Variants in TNR observed in about 807,000 individuals in gnomAD.
TNR encodes the protein tenascin-R.
In TNR, 45 loss-of-function variants were observed where a neutral mutation model predicts 150.4. The observed-to-expected ratio is 0.30, with a 90% confidence interval of 0.24 to 0.38. The LOEUF is 0.38. Among genes scored for constraint, TNR ranks in the 10% least tolerant of loss-of-function variants. The pLI is 1.00. For missense variants in TNR, 1,544 were observed against 1,759.1 expected, an observed-to-expected ratio of 0.88 and a Z score of 2.19; for synonymous variants, 687 against 678.4, an observed-to-expected ratio of 1.01 and a Z score of -0.20.
chr1:175,693,109 T>C (rs954596737), intron 1 of TNR, among the ~76,000 whole-genome samples: 1 of 152,184 alleles, frequency 6.6e-6, no homozygotes, highest in Non-Finnish European at 1.5e-5. Context: ...GTAAACTACA[T>C]AGAATGTTAG....
chr1:175,728,972 C>T (rs1049783699), intron 1 of TNR, among the ~76,000 whole-genome samples: 1 of 152,176 alleles, frequency 6.6e-6, no homozygotes. Context: ...GAAGTCAGAA[C>T]TGCAGAGCCT....
chr1:175,439,923 G>A (rs1461517822), intron 2 of TNR, among the ~76,000 whole-genome samples: 1 of 152,180 alleles, frequency 6.6e-6, no homozygotes, highest in Non-Finnish European at 1.5e-5. Context: ...TTACACTGTT[G>A]GTGGGACTGT....
At chr1:175,733,483 C>G (rs1344265911) in intron 1 of TNR, among the ~76,000 whole-genome samples, 1 of 152,188 alleles carries the variant, frequency 6.6e-6, no homozygotes, top group African/African-American at 2.4e-5. Context: ...GGGCTTTCAT[C>G]CCTTTCCCTC....
At chr1:175,542,081 C>G (rs533731269) in intron 1 of TNR, among the ~76,000 whole-genome samples, 1 of 152,162 alleles carries the variant, frequency 6.6e-6, no homozygotes, top group Non-Finnish European at 1.5e-5. Context: ...GTGTGGTGCT[C>G]AGCTTGGCAT....
At position 175,330,076 on chromosome 1, in the gene TNR, G is replaced by A. The variant is rs1649647056; in HGVS notation, c.3791C>T (p.Ala1264Val). 6 of 1,580,498 alleles carry A rather than the reference G, an allele frequency of 3.8e-6. No individual in the cohort carries two copies. Among genetic ancestry groups the A allele is most frequent in the East Asian group, 2.3e-5 (1 of 44,124 alleles). Residue 1264 changes from alanine (A) to valine (V), a missense_variant and splice_region_variant, in exon 21 of 23, where the codon GCG becomes GTG. Physicochemically the swap from Ala to Val is moderately conservative, Grantham distance 64. Around this residue, in one of 2 missense-constraint regions of TNR, gnomAD observed 290 missense variants for 429.7 expected, o/e 0.67. Transcript: ENST00000367674. The part of the protein sequence containing the change: ...KLRIGSYNGT[A>V]GDSLSYHQGR... ...GTCTGCTCAGGAGCCATAGGTACCCGCAGTGCCGTTGTAGCTTCCTATGCG... is the reference window on the plus strand; with the variant it reads ...GTCTGCTCAGGAGCCATAGGTACCCACAGTGCCGTTGTAGCTTCCTATGCG...
intron 1 of TNR, among the ~76,000 whole-genome samples, chr1:175,690,394 G>A (rs1284525229): frequency 1.3e-5 from 2 of 152,216 alleles, no homozygotes; most frequent in East Asian, 3.8e-4. Context: ...AGTGAGTGAT[G>A]GGGTTGCTAC....
At chr1:175,501,440 C>G (rs1292690861) in intron 2 of TNR, among the ~76,000 whole-genome samples, 2 of 152,208 alleles carry the variant, frequency 1.3e-5, no homozygotes, top group Non-Finnish European at 2.9e-5. Flanking sequence ...CCTGAATGAG[C>G]TTGGAAGAGG....
intron 21 of TNR, among the ~76,000 whole-genome samples, chr1:175,326,840 G>C (rs1649425193): frequency 6.6e-6 from 1 of 151,934 alleles, no homozygotes; most frequent in African/African-American, 2.4e-5. Context: ...GCTAATTTTT[G>C]TATTTTCAGT....
At position 175,522,723 on chromosome 1, in the gene TNR, C is replaced by T. The variant is rs181317560; in HGVS notation, c.-64+5546G>A. ...CTCAGGGTTGTAAAAAGATGCCCCCCCACAAAAAATAAAGCTGTTATGAGG... is the reference window on the plus strand; with the variant it reads ...CTCAGGGTTGTAAAAAGATGCCCCCTCACAAAAAATAAAGCTGTTATGAGG... On this transcript the variant is annotated intron_variant, in intron 2 of 22. Coordinates refer to ENST00000367674, the MANE Select transcript of TNR (RefSeq NM_003285.3). 5.6e-4 allele frequency among the ~76,000 whole-genome samples: 85 copies of T among 152,158 alleles called. 2 individuals carry two copies. In the East Asian group the frequency reaches 0.014, roughly 25 times the overall value.
intron 1 of TNR, among the ~76,000 whole-genome samples, chr1:175,657,340 A>G (rs979391534): frequency 6.6e-6 from 1 of 152,240 alleles, no homozygotes; most frequent in African/African-American, 2.4e-5. Context: ...AACTAGTTCA[A>G]CCATTGTGGA....
chr1:175,672,311 C>A (rs1164001274), intron 1 of TNR, among the ~76,000 whole-genome samples: 2 of 152,118 alleles, frequency 1.3e-5, no homozygotes, highest in African/African-American at 4.8e-5. Flanking sequence ...CCAACATGAA[C>A]CAGGAGATTC....
At position 175,330,491 on chromosome 1, in the gene TNR, C is replaced by T. The variant is rs150520905; in HGVS notation, c.3632-256G>A. ...CAGGGGTTCTAATACCTCCTCTTGA[C>T]CCAGTAACTGACAAGCCCTGAGCCT... On this transcript the variant is annotated intron_variant, in intron 20 of 22. Transcript: ENST00000367674. The T allele has an allele frequency of 9.2e-6, 3 of 324,484 alleles. 1 individual carries two copies. The highest frequency in any genetic ancestry group is 2.1e-5 in the African/African-American group (1 of 47,554). The allele number at this position is 324,484 out of a possible 1,614,324, so 20.1% of individuals were successfully genotyped here.
intron 1 of TNR, among the ~76,000 whole-genome samples, chr1:175,739,211 A>G (rs1003747638): frequency 3.9e-5 from 6 of 152,158 alleles, no homozygotes; most frequent in African/African-American, 1.4e-4. Context: ...AAGGTCTCCA[A>G]ATGGAAGGAG....
chr1:175,688,295 T>C (rs1480095211), intron 1 of TNR, among the ~76,000 whole-genome samples: 1 of 152,162 alleles, frequency 6.6e-6, no homozygotes, highest in African/African-American at 2.4e-5. Context: ...GGTTGCAGAC[T>C]TGAGAATGAG....
chr1:175,699,118 G>A (rs867961582), intron 1 of TNR, among the ~76,000 whole-genome samples: 11 of 152,276 alleles, frequency 7.2e-5, no homozygotes, highest in Middle Eastern at 3.4e-3. Flanking sequence ...CTGCTTAGAA[G>A]GTGGAGCCAG....
At position 175,330,208 on chromosome 1, in the gene TNR, G is replaced by A. The variant is rs768208178; in HGVS notation, c.3659C>T (p.Ser1220Phe). The A allele has an allele frequency of 2.9e-5, 47 of 1,607,776 alleles. No individual in the cohort carries two copies. Among genetic ancestry groups the A allele is most frequent in the Non-Finnish European group, 4.0e-5 (47 of 1,175,472 alleles). The change falls in exon 21 of 23, where the codon TCC (serine) becomes TTC (phenylalanine). Residue 1220 changes from serine (S) to phenylalanine (F), a missense_variant. Ser to Phe is a radical substitution (Grantham distance 155). Coordinates refer to ENST00000367674, the MANE Select transcript of TNR (RefSeq NM_003285.3). ...CACGCGCAGCTCATAGCGGCCCTGG[G>A]ATGTGATCCTGTGTATATTGTCCAG... ...LGLDNIHRIT[S>F]QGRYELRVDM...
At chr1:175,516,693 T>C (rs1363310714) in intron 2 of TNR, among the ~76,000 whole-genome samples, 1 of 152,178 alleles carries the variant, frequency 6.6e-6, no homozygotes, top group Non-Finnish European at 1.5e-5. Context: ...GGCAGTATGC[T>C]AGGATCTTTC....
At chr1:175,651,306 G>C (rs1664987561) in intron 1 of TNR, among the ~76,000 whole-genome samples, 1 of 151,300 alleles carries the variant, frequency 6.6e-6, no homozygotes, top group Admixed American at 6.6e-5. Flanking sequence ...AAGAGAGCCT[G>C]GCCCAGGCAG....
chr1:175,432,302 T>G (rs1206959141), intron 2 of TNR, among the ~76,000 whole-genome samples: 6 of 152,140 alleles, frequency 3.9e-5, no homozygotes, highest in Admixed American at 3.9e-4. Context: ...CTGGTCCCAT[T>G]TTCTAGGCAT....
Sources: allele counts gnomAD v4.1 joint callset (sites outside exome capture counted in the v4.1 genomes callset), GRCh38; gene constraint gnomAD v4.1.1; regional missense constraint gnomAD v4.1.1; transcripts MANE v1.5; gene names NCBI Gene and HGNC (gene_info 2026-07-23, HGNC 2026-07-21).